Variants in KRT222 observed in about 807,000 individuals in gnomAD.
The protein encoded by KRT222 is keratin-like protein KRT222.
Under a neutral mutation model 35.0 loss-of-function variants are expected in KRT222, and 23 were observed. The observed-to-expected ratio is 0.66, with a 90% CI of 0.47 to 0.93. KRT222 has a LOEUF of 0.93. Ranked by LOEUF, KRT222 falls within the 40% of genes least tolerant of loss-of-function variation. KRT222 has a pLI of 0.00. For missense variants in KRT222, 339 were observed against 346.3 expected (o/e 0.98, Z 0.17); for synonymous variants, 108 against 118.8 (o/e 0.91, Z 0.59).
Position 40,665,114 on chromosome 17 carries a change from C to T in KRT222, c.-15G>A. 1 of 1,613,272 alleles carries T rather than the reference C, an allele frequency of 6.2e-7. No homozygotes were observed. Among genetic ancestry groups the T allele is most frequent in the Non-Finnish European group, 8.5e-7 (1 of 1,179,636 alleles). ...GACAGTTCCATTCTTTTCCCATCCTCCACCTTGGCTAACTGAACCTTATCG... is the reference window on the plus strand; with the variant it reads ...GACAGTTCCATTCTTTTCCCATCCTTCACCTTGGCTAACTGAACCTTATCG... On this transcript the variant is annotated 5_prime_UTR_variant, in exon 1 of 6. Coordinates refer to ENST00000394052, the MANE Select transcript of KRT222 (RefSeq NM_152349.3).
intron 3 of KRT222, among the ~76,000 whole-genome samples, chr17:40,658,278 A>G (rs2037359136): frequency 6.6e-6 from 1 of 152,118 alleles, no homozygotes; most frequent in South Asian, 2.1e-4. Context: ...CAAATATTAA[A>G]GACTTTGATC....
intron 2 of KRT222, among the ~76,000 whole-genome samples, chr17:40,660,961 G>A (rs1304464836): frequency 2.0e-5 from 3 of 152,112 alleles, no homozygotes; most frequent in African/African-American, 4.8e-5. Flanking sequence ...TTGTTTGTTT[G>A]TTTGAGACAG....
intron 5 of KRT222, 142 bp downstream of exon 5, chr17:40,657,210 C>CA (rs34128971): frequency 0.065 from 24,591 of 375,464 alleles, 67 homozygotes; most frequent in Middle Eastern, 0.087. Flanking sequence ...GACTCAATCT[C>CA]AAAAAAAAAA....
intron 5 of KRT222, 48 bp downstream of exon 5, chr17:40,657,304 C>T: frequency 1.5e-6 from 2 of 1,293,356 alleles, no homozygotes; most frequent in Non-Finnish European, 2.1e-6. Context: ...AAGTTAATTT[C>T]TTTACATATA....
chr17:40,665,114 C>A lies in KRT222; in HGVS notation c.-15G>T, dbSNP rs368964413. 1 of 1,613,154 alleles carries A rather than the reference C, an allele frequency of 6.2e-7. No individual in the cohort carries two copies. The highest frequency in any genetic ancestry group is 8.5e-7 in the Non-Finnish European group (1 of 1,179,644). ...GACAGTTCCATTCTTTTCCCATCCT[C>A]CACCTTGGCTAACTGAACCTTATCG... On this transcript the variant is annotated 5_prime_UTR_variant, in exon 1 of 6. Transcript: ENST00000394052.
At chr17:40,657,604 TTCCTTATAAAGTAA>T in intron 4 of KRT222, 56 bp downstream of exon 4, 1 of 1,505,434 alleles carries the variant, frequency 6.6e-7, no homozygotes, top group South Asian at 1.2e-5. Context: ...AGTATTTAAT[TTCCTTATAAAGTAA>T]TCCCTGTAAA....
chr17:40,657,577 T>TC, intron 4 of KRT222, 90 bp from the exon 5 acceptor site: 1 of 1,351,300 alleles, frequency 7.4e-7, no homozygotes, highest in Non-Finnish European at 9.6e-7. Flanking sequence ...ATATTGCTTG[T>TC]TTTTTTTCGA....
intron 2 of KRT222, among the ~76,000 whole-genome samples, chr17:40,660,427 G>A (rs2037375325): frequency 6.6e-6 from 1 of 151,674 alleles, no homozygotes; most frequent in Admixed American, 6.6e-5. Flanking sequence ...TTACAGTCGC[G>A]TGCCACCACG....
chr17:40,658,633 A>T (rs2037360468), intron 3 of KRT222, among the ~76,000 whole-genome samples: 3 of 152,220 alleles, frequency 2.0e-5, no homozygotes, highest in African/African-American at 4.8e-5. Flanking sequence ...AAGGTCACTC[A>T]GCTAGTAAGT....
chr17:40,660,646 G>A (rs1039972340), intron 2 of KRT222, among the ~76,000 whole-genome samples: 10 of 151,772 alleles, frequency 6.6e-5, no homozygotes, highest in African/African-American at 2.2e-4. Context: ...CTATGCAAGA[G>A]GTGTGTTTCC....
chr17:40,660,610 A>C (rs2037377379), intron 2 of KRT222, among the ~76,000 whole-genome samples: 1 of 151,946 alleles, frequency 6.6e-6, no homozygotes, highest in Admixed American at 6.6e-5. Context: ...TTTTTCTTTA[A>C]AAAGATTGCA....
intron 1 of KRT222, among the ~76,000 whole-genome samples, chr17:40,662,792 AAAGT>A (rs1372549252): frequency 6.6e-6 from 1 of 152,206 alleles, no homozygotes; most frequent in African/African-American, 2.4e-5. Context: ...AAATGAAAAG[AAAGT>A]ATCTGTTGAC....
rs1222089476 is a variant in KRT222, at chr17:40,654,947, A to G, written c.*1455T>C. On this transcript the variant is annotated 3_prime_UTR_variant, in exon 6 of 6. Coordinates refer to ENST00000394052, the MANE Select transcript of KRT222 (RefSeq NM_152349.3). ...TCTGAAGTAATTGAAAGAAAATTAA[A>G]AATTTTATATCCCTGTATTATGTTA... The G allele has an allele frequency of 1.3e-5, 2 of 149,610 alleles. No individual in the cohort carries two copies. The highest frequency in any genetic ancestry group is 3.0e-5 in the Non-Finnish European group (2 of 67,480). The allele number at this position is 149,610 out of a possible 1,614,324, so 9.3% of individuals were successfully genotyped here.
At chr17:40,662,164 C>T in intron 1 of KRT222, 120 bp from the exon 2 acceptor site, 5 of 1,266,850 alleles carry the variant, frequency 3.9e-6, no homozygotes, top group East Asian at 2.4e-5. Context: ...TTCCTTAACT[C>T]ATTAGATTAT....
At position 40,660,027 on chromosome 17, in the gene KRT222, T is replaced by C. The variant is rs753942639; in HGVS notation, c.406A>G (p.Ile136Val). ...LNTKMRLEQE[I>V]ATYRHLLEKE... is the part of the protein sequence containing the mutation. ...TCTAGGAGGTGGCGATAAGTTGCTA[T>C]TTCTTGTTCCAGCCTCATCTTCGTG... Residue 136 changes from isoleucine to valine, a missense_variant, in exon 3 of 6, where the codon ATA becomes GTA. Transcript: ENST00000394052. 6.8e-6 allele frequency: 11 copies of C among 1,614,076 alleles called. No individual in the cohort carries two copies. The East Asian group carries it at 2.2e-4, about 33-fold the overall frequency.
intron 1 of KRT222, among the ~76,000 whole-genome samples, chr17:40,662,635 T>C (rs1004160258): frequency 1.3e-5 from 2 of 152,232 alleles, no homozygotes; most frequent in African/African-American, 4.8e-5. Flanking sequence ...GATGATCTTT[T>C]TAAAAGGCAT....
rs181094138 is a variant in KRT222 at position 40,664,599 on chromosome 17, A to G, written c.96+405T>C. Among the ~76,000 whole-genome samples the G allele has an allele frequency of 2.6e-5, 4 of 152,336 alleles. No individual in the cohort carries two copies. In the East Asian group the frequency reaches 7.7e-4, roughly 29 times the overall value. ...CTCTAGAAAGTGTACATGCTAATAA[A>G]TCTTACTTAAAGATTTTTCATTTTA... On this transcript the variant is annotated intron_variant, in intron 1 of 5. Transcript: ENST00000394052.
At chr17:40,660,851 T>TAAA (rs1237189510) in intron 2 of KRT222, among the ~76,000 whole-genome samples, 1 of 139,500 alleles carries the variant, frequency 7.2e-6, no homozygotes, top group African/African-American at 2.6e-5. Flanking sequence ...GTAGGCTTTG[T>TAAA]AAAAAAAAAA....
intron 3 of KRT222, among the ~76,000 whole-genome samples, chr17:40,658,138 CT>C (rs74268058): frequency 0.014 from 1,932 of 138,432 alleles, 13 homozygotes; most frequent in African/African-American, 0.022. Flanking sequence ...ACATTTTACT[CT>C]TTTTTTTTTT....
Sources: allele counts gnomAD v4.1 joint callset (sites outside exome capture counted in the v4.1 genomes callset), GRCh38; gene constraint gnomAD v4.1.1; transcripts MANE v1.5; gene names NCBI Gene and HGNC (gene_info 2026-07-23, HGNC 2026-07-21).